Variants in HPSE2 observed in about 807,000 individuals in gnomAD.
The protein encoded by HPSE2 is inactive heparanase-2.
A neutral mutation model predicts 60.5 loss-of-function variants in HPSE2; 38 were observed. The observed-to-expected ratio is 0.63, with a 90% CI of 0.48 to 0.82. The LOEUF is 0.82. HPSE2 is among the 40% of genes least tolerant of loss of function. The pLI is 0.00. For missense variants in HPSE2, 713 were observed against 740.4 expected (o/e 0.96, Z 0.43); for synonymous variants, 295 against 293.2 (o/e 1.01, Z -0.06).
At chr10:99,055,790 A>C (rs974886956) in intron 3 of HPSE2, among the ~76,000 whole-genome samples, 2 of 152,152 alleles carry the variant, frequency 1.3e-5, no homozygotes, top group Non-Finnish European at 2.9e-5. Flanking sequence ...TAATAACATA[A>C]TGTATCAAAA....
rs145689964 is a variant in HPSE2, at chr10:98,585,151, C to T, written c.1320+29753G>A. The stretch of plus-strand genomic sequence containing the variant: ...TATGGCTAAGCCATGACCAGGATGA[C>T]TTAAATCACATAGTTTGCTCTGAGT... On this transcript the variant is annotated intron_variant, in intron 9 of 11. Transcript: ENST00000370552. 2.4e-3 allele frequency among the ~76,000 whole-genome samples: 363 copies of T among 152,236 alleles called. 2 individuals carry two copies. Among genetic ancestry groups the T allele is most frequent in the African/African-American group, 8.4e-3 (349 of 41,534 alleles).
chr10:98,753,446 A>G (rs980442235), intron 3 of HPSE2, among the ~76,000 whole-genome samples: 14 of 152,330 alleles, frequency 9.2e-5, no homozygotes, highest in African/African-American at 2.2e-4. Context: ...ATACTTGTAC[A>G]TCAATGTTAA....
chr10:99,091,423 C>T (rs1228717707), intron 3 of HPSE2, among the ~76,000 whole-genome samples: 1 of 152,130 alleles, frequency 6.6e-6, no homozygotes, highest in Non-Finnish European at 1.5e-5. Context: ...GAACCCAGGT[C>T]TCTAGACTCT....
intron 9 of HPSE2, among the ~76,000 whole-genome samples, chr10:98,613,571 G>A (rs527429254): frequency 4.5e-4 from 68 of 152,332 alleles, no homozygotes; most frequent in African/African-American, 1.6e-3. Context: ...TAGGGCTTGG[G>A]GAATGGAGGG....
intron 9 of HPSE2, among the ~76,000 whole-genome samples, chr10:98,605,494 A>G (rs1945554080): frequency 6.6e-6 from 1 of 152,236 alleles, no homozygotes; most frequent in South Asian, 2.1e-4. Context: ...AAAACGGAAT[A>G]GTATAATAAA....
At chr10:99,183,982 A>G (rs1847876205) in intron 2 of HPSE2, among the ~76,000 whole-genome samples, 1 of 152,164 alleles carries the variant, frequency 6.6e-6, no homozygotes, top group Non-Finnish European at 1.5e-5. Flanking sequence ...AATTTTGAAG[A>G]AAGCCTTAAA....
intron 3 of HPSE2, among the ~76,000 whole-genome samples, chr10:98,921,907 G>C (rs1954292756): frequency 6.6e-6 from 1 of 152,168 alleles, no homozygotes; most frequent in Admixed American, 6.5e-5. Flanking sequence ...CATGGGGAGA[G>C]ACTGGTGTGC....
upstream of HPSE2, among the ~76,000 whole-genome samples, chr10:99,239,574 C>T (rs1056011730): frequency 5.3e-5 from 8 of 151,636 alleles, no homozygotes; most frequent in East Asian, 2.0e-4. Context: ...GGACTACAGG[C>T]GCACATCGCC....
At chr10:99,105,709 A>G (rs1199730346) in intron 3 of HPSE2, among the ~76,000 whole-genome samples, 1 of 152,070 alleles carries the variant, frequency 6.6e-6, no homozygotes, top group Admixed American at 6.6e-5. Flanking sequence ...CACCAAGAAC[A>G]TGAGAACTTT....
rs1034788712 is a variant in HPSE2 at position 99,066,559 on chromosome 10, T to C, written c.610+77679A>G. On this transcript the variant is annotated intron_variant, in intron 3 of 11. Transcript: ENST00000370552. ...ATGAGGAGCAAAGTCATGTTTTACA[T>C]GGTGGCAGGCAAGATAACTTGTTCA... 1.1e-4 allele frequency among the ~76,000 whole-genome samples: 17 copies of C among 152,312 alleles called. No individual in the cohort carries two copies. The East Asian group carries it at 1.5e-3, about 14-fold the overall frequency.
At chr10:99,134,924 AT>A (rs1290475576) in intron 3 of HPSE2, among the ~76,000 whole-genome samples, 1 of 152,212 alleles carries the variant, frequency 6.6e-6, no homozygotes, top group Non-Finnish European at 1.5e-5. Flanking sequence ...AGACTGGCAA[AT>A]TGGATAAAGA....
intron 3 of HPSE2, among the ~76,000 whole-genome samples, chr10:99,030,076 C>G (rs547493554): frequency 4.1e-4 from 62 of 152,320 alleles, no homozygotes; most frequent in African/African-American, 1.5e-3. Flanking sequence ...ACTGCATCCC[C>G]TCAGCTCCTA....
In HPSE2 at chr10:98,817,789, C is replaced by T. The variant is rs568156417; in HGVS notation, c.611-73733G>A. On this transcript the variant is annotated intron_variant, in intron 3 of 11. Transcript: ENST00000370552. ...GTCACTCTACTAAATGTTTCCTATA[C>T]ACTTTGGACAAAAGCTGAACTTAGA... Among the ~76,000 whole-genome samples, 7 of 152,328 alleles carry T rather than the reference C, an allele frequency of 4.6e-5. No homozygotes were observed. The East Asian group carries it at 1.4e-3, about 29-fold the overall frequency.
intron 3 of HPSE2, among the ~76,000 whole-genome samples, chr10:98,889,843 G>T (rs376205565): frequency 1.3e-5 from 2 of 152,214 alleles, no homozygotes; most frequent in East Asian, 3.9e-4. Context: ...CGGAGGATGG[G>T]GGGGATGCAT....
intron 3 of HPSE2, among the ~76,000 whole-genome samples, chr10:99,040,047 GA>G (rs1275442300): frequency 2.0e-5 from 3 of 152,148 alleles, no homozygotes; most frequent in African/African-American, 7.2e-5. Context: ...TATCCAGATA[GA>G]TTATTGATTA....
At chr10:98,859,378 A>T (rs1340235246) in intron 3 of HPSE2, among the ~76,000 whole-genome samples, 1 of 152,170 alleles carries the variant, frequency 6.6e-6, no homozygotes, top group Non-Finnish European at 1.5e-5. Flanking sequence ...CTGATAAAAC[A>T]TTATTTCTTG....
intron 3 of HPSE2, among the ~76,000 whole-genome samples, chr10:99,016,543 G>GT (rs559246797): frequency 5.3e-5 from 8 of 151,382 alleles, no homozygotes; most frequent in African/African-American, 9.7e-5. Context: ...TTTTAAAATA[G>GT]TTTTTTTTTC....
chr10:98,757,679 TAG>T (rs1485666433), intron 3 of HPSE2, among the ~76,000 whole-genome samples: 2 of 152,026 alleles, frequency 1.3e-5, no homozygotes, highest in Non-Finnish European at 2.9e-5. Context: ...TGAGAGAAAT[TAG>T]AGACAACACA....
intron 3 of HPSE2, among the ~76,000 whole-genome samples, chr10:98,819,235 T>A (rs1010528296): frequency 6.6e-6 from 1 of 152,078 alleles, no homozygotes; most frequent in African/African-American, 2.4e-5. Flanking sequence ...CCTGTCATGA[T>A]CAGAAAGGAG....
Sources: gnomAD v4.1 joint callset for allele counts (sites outside exome capture counted in the v4.1 genomes callset) on GRCh38, gnomAD v4.1.1 for gene constraint, MANE v1.5 for transcripts, NCBI Gene and HGNC (gene_info 2026-07-23, HGNC 2026-07-21) for gene names.